Variants in RRAS2 observed in about 807,000 individuals in gnomAD.
RRAS2 encodes ras-related protein R-Ras2.
RRAS2 carries 7 observed loss-of-function variants against 27.6 expected under a neutral mutation model. The ratio of observed to expected loss-of-function variants is 0.25; its 90% CI spans 0.14 to 0.48. The LOEUF (loss-of-function observed/expected upper bound fraction) is 0.48. Among genes scored for constraint, RRAS2 ranks in the 20% least tolerant of loss-of-function variants. RRAS2 has a pLI of 0.99. For missense variants in RRAS2, 178 were observed against 256.2 expected (o/e 0.69, Z 2.08); for synonymous variants, 86 against 90.9 (o/e 0.95, Z 0.31).
intron 1 of RRAS2, among the ~76,000 whole-genome samples, chr11:14,303,023 T>C (rs1847752327): frequency 6.6e-6 from 1 of 152,174 alleles, no homozygotes; most frequent in Non-Finnish European, 1.5e-5. Flanking sequence ...GCCCAACAGA[T>C]GACACACAGT....
At chr11:14,295,979 C>G (rs1304759518) in intron 1 of RRAS2, 124 bp from the exon 2 acceptor site, 4 of 744,668 alleles carry the variant, frequency 5.4e-6, no homozygotes, top group Non-Finnish European at 8.6e-6. Context: ...TTGAGACCAG[C>G]CTGGGCAACA....
intron 1 of RRAS2, among the ~76,000 whole-genome samples, chr11:14,348,856 AG>A (rs1554954415): frequency 2.0e-5 from 3 of 152,234 alleles, no homozygotes; most frequent in African/African-American, 7.2e-5. Flanking sequence ...TCATTGCTAA[AG>A]GGGTATCACT....
In RRAS2 at chr11:14,358,558, G is replaced by T; in HGVS notation, c.108+205C>A. The stretch of plus-strand genomic sequence containing the variant: ...CATTCCTGAGAAGCCCTACTCCCGC[G>T]ACGCCGCGCCCGGGAGGAGGCAGGA... On this transcript the variant is annotated intron_variant, in intron 1 of 5. Transcript: ENST00000256196. This position sits in a 1 kb window ranked among gnomAD's most constrained non-coding sequence, Gnocchi z 5.1. 1.0e-6 allele frequency: 1 copy of T among 986,202 alleles called. No individual in the cohort carries two copies. Among genetic ancestry groups the T allele is most frequent in the African/African-American group, 1.7e-5 (1 of 57,238 alleles). The allele number at this position is 986,202 out of a possible 1,614,324, so 61.1% of individuals were successfully genotyped here.
chr11:14,351,635 C>G (rs2134037428), intron 1 of RRAS2, among the ~76,000 whole-genome samples: 1 of 151,828 alleles, frequency 6.6e-6, no homozygotes, highest in East Asian at 1.9e-4. Flanking sequence ...GAGGCTGAGG[C>G]AGGAGAATGG....
chr11:14,298,023 T>C (rs1424897680), intron 1 of RRAS2, among the ~76,000 whole-genome samples: 6 of 144,602 alleles, frequency 4.1e-5, no homozygotes, highest in Admixed American at 3.4e-4. Context: ...ATCAAAACAA[T>C]CATGAACTTA....
intron 1 of RRAS2, among the ~76,000 whole-genome samples, chr11:14,297,200 C>A (rs184739110): frequency 2.1e-4 from 32 of 152,254 alleles, no homozygotes; most frequent in Admixed American, 9.8e-4. Flanking sequence ...TTCCCACTGG[C>A]TCATTACAAA....
At chr11:14,330,692 C>T (rs960476724) in intron 1 of RRAS2, among the ~76,000 whole-genome samples, 7 of 151,606 alleles carry the variant, frequency 4.6e-5, no homozygotes, top group East Asian at 1.9e-4. Flanking sequence ...AATATTCAAA[C>T]GAAAAAGGCT....
intron 1 of RRAS2, among the ~76,000 whole-genome samples, chr11:14,323,544 C>T (rs558870983): frequency 6.6e-6 from 1 of 151,956 alleles, no homozygotes; most frequent in Non-Finnish European, 1.5e-5. Flanking sequence ...CTCTTCCCCC[C>T]ACCGGCACAC....
intron 1 of RRAS2, among the ~76,000 whole-genome samples, chr11:14,310,131 T>C (rs1358617491): frequency 6.6e-6 from 1 of 152,208 alleles, no homozygotes; most frequent in Admixed American, 6.5e-5. Context: ...CAGAAAAGAC[T>C]CAAAGATGAT....
intron 1 of RRAS2, among the ~76,000 whole-genome samples, chr11:14,308,873 T>C (rs1438012128): frequency 1.3e-5 from 2 of 152,224 alleles, no homozygotes; most frequent in Non-Finnish European, 1.5e-5. Flanking sequence ...CCCCGCTTAA[T>C]TGCTGTATCA....
rs1181742628 is a variant in RRAS2, at chr11:14,279,288, A to C, written c.*49T>G. 18 of 1,267,902 alleles carry C rather than the reference A, an allele frequency of 1.4e-5. 1 individual carries two copies. In the Admixed American group the frequency reaches 2.7e-4, roughly 19 times the overall value. 78.5% of individuals were successfully genotyped at this position (1,267,902 alleles called of 1,614,324 possible). A position where few individuals can be genotyped will look rare whatever the true frequency, so the allele number is the denominator to read the frequency against. On this transcript the variant is annotated 3_prime_UTR_variant, in exon 6 of 6. Coordinates refer to ENST00000256196, the MANE Select transcript of RRAS2 (RefSeq NM_012250.6). ...CAAGATGTAAACTGAGGAGAGAAAG[A>C]GAAGATGAGGGCTTTTCCTGGCCGT... is the stretch of plus-strand genomic sequence containing the variant.
In RRAS2 at chr11:14,295,707, C is replaced by G. The variant is rs529398727; in HGVS notation, c.196+61G>C. The G allele has an allele frequency of 7.3e-6, 9 of 1,240,506 alleles. 1 individual carries two copies. The East Asian group carries it at 1.6e-4, about 23-fold the overall frequency. The allele number at this position is 1,240,506 out of a possible 1,614,324, so 76.8% of individuals were successfully genotyped here. On this transcript the variant is annotated intron_variant, in intron 2 of 5. Transcript: ENST00000256196. ...TATATTATTTAACATAGCAAAACAT[C>G]AGCGCTTACTTTTTTAAAAAATATG...
chr11:14,339,816 T>A (rs1848663297), intron 1 of RRAS2, among the ~76,000 whole-genome samples: 1 of 152,114 alleles, frequency 6.6e-6, no homozygotes, highest in African/African-American at 2.4e-5. Context: ...TTTTATACAT[T>A]TAAAAATAGT....
intron 4 of RRAS2, among the ~76,000 whole-genome samples, chr11:14,282,004 T>A (rs528834840): frequency 8.5e-4 from 130 of 152,084 alleles, no homozygotes; most frequent in Non-Finnish European, 1.4e-3. Flanking sequence ...GAAGGGAAAG[T>A]GTAAGGTGCT....
At chr11:14,342,840 T>C (rs1245092252) in intron 1 of RRAS2, among the ~76,000 whole-genome samples, 3 of 152,212 alleles carry the variant, frequency 2.0e-5, no homozygotes, top group Non-Finnish European at 4.4e-5. Context: ...ACTGCAACTT[T>C]AATTTTCAAA....
intron 1 of RRAS2, among the ~76,000 whole-genome samples, chr11:14,298,755 A>G (rs1465025998): frequency 6.7e-6 from 1 of 149,456 alleles, no homozygotes; most frequent in African/African-American, 2.5e-5. Flanking sequence ...CCAACGAAAC[A>G]TCACTCTGGG....
chr11:14,357,525 T>C (rs189992943), intron 1 of RRAS2, among the ~76,000 whole-genome samples: 14 of 152,328 alleles, frequency 9.2e-5, no homozygotes, highest in African/African-American at 2.4e-4. Context: ...TAAAACATCC[T>C]TTCTTCCTGG....
chr11:14,353,010 G>A (rs1848996538), intron 1 of RRAS2, among the ~76,000 whole-genome samples: 2 of 151,868 alleles, frequency 1.3e-5, no homozygotes, highest in African/African-American at 4.8e-5. Context: ...TGTTGGCCAC[G>A]CTGGTCTCAA....
chr11:14,308,144 T>G (rs534895569), intron 1 of RRAS2: 111 of 301,090 alleles, frequency 3.7e-4, no homozygotes, highest in African/African-American at 2.4e-3. Context: ...CCACAGTTTA[T>G]GTATTTGCTT....
Sources: gnomAD v4.1 joint callset for allele counts (sites outside exome capture counted in the v4.1 genomes callset) on GRCh38, gnomAD v4.1.1 for gene constraint, Gnocchi (gnomAD v3.1) non-coding constraint, MANE v1.5 for transcripts, NCBI Gene and HGNC (gene_info 2026-07-23, HGNC 2026-07-21) for gene names.